Variants in SLC16A3 observed in about 807,000 individuals in gnomAD.
The protein encoded by SLC16A3 is solute carrier family 16 member 3.
Under a neutral mutation model 25.0 loss-of-function variants are expected in SLC16A3, and 22 were observed. The observed-to-expected ratio is 0.88, with a 90% CI of 0.63 to 1.26. SLC16A3 has a LOEUF of 1.26. Among genes scored for constraint, SLC16A3 ranks in the 50% most tolerant of loss-of-function variants. The pLI is 0.00. For missense variants in SLC16A3, 731 were observed against 666.6 expected (o/e 1.10, Z -1.06); for synonymous variants, 390 against 309.2 (o/e 1.26, Z -2.74).
At chr17:82,230,957 T>G (rs925979541) in intron 1 of SLC16A3, 2 of 151,864 alleles carry the variant, frequency 1.3e-5, no homozygotes, top group African/African-American at 4.8e-5. Context: ...TGGTCCCACC[T>G]CTGCAGCAAG....
chr17:82,231,355 G>T (rs115730393), intron 1 of SLC16A3: 1 of 152,194 alleles, frequency 6.6e-6, no homozygotes, highest in Non-Finnish European at 1.5e-5. Context: ...CCTTCGCCCC[G>T]CACCTCCCGC....
Position 82,237,529 on chromosome 17 carries a change from C to G in SLC16A3, c.759C>G (p.Ala253=). The G allele has an allele frequency of 1.2e-6, 2 of 1,611,712 alleles. No individual in the cohort carries two copies. Among genetic ancestry groups the G allele is most frequent in the Non-Finnish European group, 1.7e-6 (2 of 1,179,348 alleles). The part of the protein sequence containing the change: ...FVPPVFVVSY[A]KDLGVPDTKA... ...CGCCCGTGTTCGTGGTGAGCTACGC[C>G]AAGGACCTGGGCGTGCCCGACACCA... Residue 253 remains alanine (A), a synonymous_variant, in exon 4 of 5, where the codon GCC becomes GCG. Coordinates refer to ENST00000582743, the MANE Select transcript of SLC16A3 (RefSeq NM_004207.4).
At chr17:82,225,276 A>G (rs1179243134), upstream of SLC16A3, among the ~76,000 whole-genome samples, 1 of 152,004 alleles carries the variant, frequency 6.6e-6, no homozygotes, top group African/African-American at 2.4e-5. Context: ...AATAATAATA[A>G]TATGTATTTT....
chr17:82,238,990 G>T lies in SLC16A3; in HGVS notation c.*14G>T. The T allele has an allele frequency of 6.6e-7, 1 of 1,507,398 alleles. No individual in the cohort carries two copies. Among genetic ancestry groups the T allele is most frequent in the Non-Finnish European group, 8.9e-7 (1 of 1,124,926 alleles). The allele number at this position is 1,507,398 out of a possible 1,614,324, so 93.4% of individuals were successfully genotyped here. A position where few individuals can be genotyped will look rare whatever the true frequency, so the allele number is the denominator to read the frequency against. ...ACAAGTGTCTGAGTGGCTGGGCGGGGCCGGCAGGCACAGGGAGGAGGTACA... is the reference window on the plus strand; with the variant it reads ...ACAAGTGTCTGAGTGGCTGGGCGGGTCCGGCAGGCACAGGGAGGAGGTACA... On this transcript the variant is annotated 3_prime_UTR_variant, in exon 5 of 5. Coordinates refer to ENST00000582743, the MANE Select transcript of SLC16A3 (RefSeq NM_004207.4).
In SLC16A3 at chr17:82,239,066, G is replaced by T; in HGVS notation, c.*90G>T. 7.6e-7 allele frequency: 1 copy of T among 1,318,490 alleles called. No homozygotes were observed. The highest frequency in any genetic ancestry group is 1.0e-6 in the Non-Finnish European group (1 of 983,454). The allele number at this position is 1,318,490 out of a possible 1,614,324, so 81.7% of individuals were successfully genotyped here. A position where few individuals can be genotyped will look rare whatever the true frequency, so the allele number is the denominator to read the frequency against. ...TTTACAAACTGGACTGGCTCAGGCA[G>T]GGCCACGGCTGGGCTCCAGCTGCCG... On this transcript the variant is annotated 3_prime_UTR_variant, in exon 5 of 5. Coordinates refer to ENST00000582743, the MANE Select transcript of SLC16A3 (RefSeq NM_004207.4).
chr17:82,237,254 G>A lies in SLC16A3; in HGVS notation c.484G>A (p.Ala162Thr). The A allele has an allele frequency of 1.3e-6, 2 of 1,563,402 alleles. No individual in the cohort carries two copies. Among genetic ancestry groups the A allele is most frequent in the South Asian group, 1.2e-5 (1 of 85,194 alleles). ...AAAGSPVFLC[A>T]LSPLGQLLQD... ...AGCAGGTAGCCCTGTCTTCCTGTGT[G>A]CCCTGAGCCCGCTGGGGCAGCTGCT... Residue 162 changes from alanine (A) to threonine (T), a missense_variant, in exon 4 of 5, where the codon GCC (alanine) becomes ACC (threonine). Physicochemically the swap from Ala to Thr is moderately conservative, Grantham distance 58. Transcript: ENST00000582743.
At chr17:82,236,925 C>T in intron 3 of SLC16A3, 53 bp downstream of exon 3, 4 of 1,588,122 alleles carry the variant, frequency 2.5e-6, no homozygotes, top group Non-Finnish European at 3.4e-6. Context: ...AGGGGCCGTG[C>T]ACTTCTGCTC....
upstream of SLC16A3, among the ~76,000 whole-genome samples, chr17:82,226,953 T>C (rs2050426169): frequency 6.6e-6 from 1 of 151,722 alleles, no homozygotes; most frequent in African/African-American, 2.4e-5. Context: ...GTGACCACTC[T>C]GTGGTCTTCC....
rs563046264 is a variant in SLC16A3 at position 82,239,412 on chromosome 17, G to A, written c.*436G>A. The A allele has an allele frequency of 2.2e-4, 39 of 175,224 alleles. No individual in the cohort carries two copies. The highest frequency in any genetic ancestry group is 8.2e-4 in the African/African-American group (35 of 42,516). The allele number at this position is 175,224 out of a possible 1,614,324, so 10.9% of individuals were successfully genotyped here. A position where few individuals can be genotyped will look rare whatever the true frequency, so the allele number is the denominator to read the frequency against. On this transcript the variant is annotated 3_prime_UTR_variant, in exon 5 of 5. Coordinates refer to ENST00000582743, the MANE Select transcript of SLC16A3 (RefSeq NM_004207.4). ...GGGCCTGTGCCCACCCCTCTTGAGT[G>A]TCTTGGGGACAGCTCTTTCCACCCC...
At chr17:82,223,197 C>T (rs4566235) in intron 1 of SLC16A3, among the ~76,000 whole-genome samples, 16,246 of 151,926 alleles carry the variant, frequency 0.11, 1,888 homozygotes, top group African/African-American at 0.3. Context: ...ATTATTATTT[C>T]TGAGACGGAG....
intron 1 of SLC16A3, chr17:82,230,852 C>T (rs116990655): frequency 0.048 from 7,278 of 152,280 alleles, 254 homozygotes; most frequent in Non-Finnish European, 0.069. Flanking sequence ...TGGGCCACGC[C>T]GGGCAGCCGC....
chr17:82,233,046 G>C (rs1418205998), intron 1 of SLC16A3, among the ~76,000 whole-genome samples: 1 of 152,150 alleles, frequency 6.6e-6, no homozygotes, highest in East Asian at 1.9e-4. Flanking sequence ...GGAACACCGG[G>C]CAGTCTGTAC....
rs1289635852 is a variant in SLC16A3, at chr17:82,239,859, T to C, written c.*883T>C. ...GCCCAGGGCTGGTCTTTGCACCCTG[T>C]CCTCCATCCAGCCCGGCCCAGCGCT... is the stretch of plus-strand genomic sequence containing the variant. On this transcript the variant is annotated 3_prime_UTR_variant, in exon 5 of 5. Transcript: ENST00000582743. 2 of 536,180 alleles carry C rather than the reference T, an allele frequency of 3.7e-6. No homozygotes were observed. The highest frequency in any genetic ancestry group is 5.7e-6 in the Non-Finnish European group (2 of 352,840). The allele number at this position is 536,180 out of a possible 1,614,324, so 33.2% of individuals were successfully genotyped here.
At chr17:82,230,880 C>A (rs2050483294) in intron 1 of SLC16A3, 2 of 152,274 alleles carry the variant, frequency 1.3e-5, no homozygotes, top group Admixed American at 1.3e-4. Context: ...GGAACCGAAC[C>A]GCCGGGCTCC....
At chr17:82,234,323 G>A (rs544462271) in intron 1 of SLC16A3, 1 of 152,490 alleles carries the variant, frequency 6.6e-6, no homozygotes, top group East Asian at 1.9e-4. Context: ...CTGTGGTGGG[G>A]GCATCCGGTG....
rs775654888 is a variant in SLC16A3, at chr17:82,237,445, C to A, written c.675C>A (p.Asp225Glu). ...RRLLDLSVFRDRGFVLYAVAA... is the reference protein window; with the variant it reads ...RRLLDLSVFRERGFVLYAVAA... Reference sequence around the variant, plus strand: ...TGCTAGACCTGAGCGTCTTCCGGGACCGCGGCTTTGTGCTTTACGCCGTGG... The same window carrying A: ...TGCTAGACCTGAGCGTCTTCCGGGAACGCGGCTTTGTGCTTTACGCCGTGG... Residue 225 changes from aspartate (D) to glutamate (E), a missense_variant, in exon 4 of 5, where the codon GAC (aspartate) becomes GAA (glutamate). Transcript: ENST00000582743. 1.9e-6 allele frequency: 3 copies of A among 1,597,032 alleles called. No homozygotes were observed. In the Admixed American group the frequency reaches 5.2e-5, roughly 27 times the overall value.
chr17:82,228,041 C>T (rs2050438337), upstream of SLC16A3, among the ~76,000 whole-genome samples: 1 of 152,206 alleles, frequency 6.6e-6, no homozygotes, highest in South Asian at 2.1e-4. Flanking sequence ...TGTGTGAAGG[C>T]ACGGGCTTAC....
chr17:82,239,022 G>T lies in SLC16A3; in HGVS notation c.*46G>T. ...GGCACAGGGAGGAGGTACAGAAGCC[G>T]GCAACGCTTGCTATTTATTTTACAA... On this transcript the variant is annotated 3_prime_UTR_variant, in exon 5 of 5. Coordinates refer to ENST00000582743, the MANE Select transcript of SLC16A3 (RefSeq NM_004207.4). 1 of 1,477,354 alleles carries T rather than the reference G, an allele frequency of 6.8e-7. No individual in the cohort carries two copies. Among genetic ancestry groups the T allele is most frequent in the Non-Finnish European group, 9.0e-7 (1 of 1,110,014 alleles). 91.5% of individuals were successfully genotyped at this position (1,477,354 alleles called of 1,614,324 possible).
upstream of SLC16A3, among the ~76,000 whole-genome samples, chr17:82,228,083 G>A (rs1232318176): frequency 2.0e-5 from 3 of 152,222 alleles, no homozygotes; most frequent in East Asian, 1.9e-4. Flanking sequence ...CCCCGGGTCC[G>A]GGAGGGGCCA....
Sources: allele counts gnomAD v4.1 joint callset (sites outside exome capture counted in the v4.1 genomes callset), GRCh38; gene constraint gnomAD v4.1.1; transcripts MANE v1.5; gene names NCBI Gene and HGNC (gene_info 2026-07-23, HGNC 2026-07-21).